Variants in SPAG17 observed in about 807,000 individuals in gnomAD.
The protein encoded by SPAG17 is sperm associated antigen 17.
A neutral mutation model predicts 273.6 loss-of-function variants in SPAG17; 169 were observed. The ratio of observed to expected loss-of-function variants is 0.62; its 90% CI spans 0.55 to 0.70. The LOEUF is 0.70. Among genes scored for constraint, SPAG17 ranks in the 30% least tolerant of loss-of-function variants. SPAG17 has a pLI of 0.00. For synonymous variants in SPAG17, 825 were observed against 873.2 expected (o/e 0.94, Z 0.97); for missense variants, 2,557 against 2,627.8 (o/e 0.97, Z 0.59).
intron 44 of SPAG17, 29 bp from the exon 45 acceptor site, chr1:117,972,076 G>T: frequency 3.2e-6 from 5 of 1,558,266 alleles, no homozygotes; most frequent in Non-Finnish European, 4.3e-6. Context: ...TTAATAAAAT[G>T]GTTCTATTTT....
At chr1:118,094,972 T>C (rs1655614685) in intron 7 of SPAG17, among the ~76,000 whole-genome samples, 1 of 152,220 alleles carries the variant, frequency 6.6e-6, no homozygotes, top group East Asian at 1.9e-4. Context: ...GAGACCTGAA[T>C]GTTTTCATTG....
intron 18 of SPAG17, among the ~76,000 whole-genome samples, chr1:118,064,061 G>A (rs1652667073): frequency 6.6e-6 from 1 of 152,134 alleles, no homozygotes; most frequent in South Asian, 2.1e-4. Context: ...AGTTAGAATG[G>A]CCATCATTAA....
chr1:118,132,048 C>T (rs1445777932), intron 3 of SPAG17, among the ~76,000 whole-genome samples: 2 of 152,234 alleles, frequency 1.3e-5, no homozygotes, highest in Admixed American at 6.5e-5. Flanking sequence ...AGATCATCTA[C>T]AAGGCACATG....
At chr1:118,158,213 G>A (rs561139741) in intron 1 of SPAG17, among the ~76,000 whole-genome samples, 1 of 152,332 alleles carries the variant, frequency 6.6e-6, no homozygotes, top group Non-Finnish European at 1.5e-5. Context: ...GAGTGTGGCA[G>A]GAGAAATCTT....
At position 117,988,110 on chromosome 1, in the gene SPAG17, T is replaced by C; in HGVS notation, c.5616A>G (p.Thr1872=). The change falls in exon 39 of 49, where the codon ACA becomes ACG. Residue 1872 remains threonine (T), a synonymous_variant. Transcript: ENST00000336338. ...DTFGKDFFEK[T]WRHTASSKRW... is the part of the protein sequence containing the mutation. ...ACATTATTGGATTAGCTTACCTCCA[T>C]GTCTTTTCAAAGAAATCTTTACCAA... 6.2e-7 allele frequency: 1 copy of C among 1,601,668 alleles called. No homozygotes were observed. The highest frequency in any genetic ancestry group is 8.5e-7 in the Non-Finnish European group (1 of 1,175,552).
chr1:118,092,725 GA>G (rs1655460864), intron 8 of SPAG17, among the ~76,000 whole-genome samples: 2 of 152,284 alleles, frequency 1.3e-5, no homozygotes, highest in South Asian at 4.1e-4. Flanking sequence ...AAGCTGAGAT[GA>G]CTGCTCTCAG....
intron 1 of SPAG17, among the ~76,000 whole-genome samples, chr1:118,166,277 G>GA (rs1660167088): frequency 6.6e-6 from 1 of 152,146 alleles, no homozygotes; most frequent in Admixed American, 6.6e-5. Flanking sequence ...GGAAAGCCAG[G>GA]AAACAGAATT....
intron 3 of SPAG17, among the ~76,000 whole-genome samples, chr1:118,139,359 G>A (rs1014752286): frequency 1.3e-5 from 2 of 152,104 alleles, no homozygotes; most frequent in Non-Finnish European, 2.9e-5. Context: ...GTACATTATT[G>A]GCAAGAATAT....
rs1011644618 is a variant in SPAG17 at position 118,008,192 on chromosome 1, C to T, written c.4439G>A (p.Gly1480Asp). ...CACCTGCCTGGTGACAGTCCGAGGA[C>T]CCTCGGCTACAAGCAAATGCAAGGT... Reference protein sequence around the residue: ...ILPDDQETTEGPRTVTRQVKC... With the variant: ...ILPDDQETTEDPRTVTRQVKC... The change falls in exon 31 of 49, where the codon GGT becomes GAT. Residue 1480 changes from glycine (G) to aspartate (D), a missense_variant. Transcript: ENST00000336338. 2 of 1,613,710 alleles carry T rather than the reference C, an allele frequency of 1.2e-6. No individual in the cohort carries two copies. Among genetic ancestry groups the T allele is most frequent in the Admixed American group, 3.3e-5 (2 of 59,924 alleles).
At chr1:118,082,354 T>C (rs149286984) in intron 13 of SPAG17, among the ~76,000 whole-genome samples, 228 of 152,262 alleles carry the variant, frequency 1.5e-3, no homozygotes, top group African/African-American at 5.2e-3. Context: ...AAACATGGAA[T>C]TCAATCAGAA....
chr1:118,108,388 G>T (rs1379800667), intron 4 of SPAG17, among the ~76,000 whole-genome samples: 1 of 151,916 alleles, frequency 6.6e-6, no homozygotes, highest in Non-Finnish European at 1.5e-5. Flanking sequence ...CTCACTTATG[G>T]GTTTATGTCT....
At chr1:118,138,940 T>C (rs1360963096) in intron 3 of SPAG17, among the ~76,000 whole-genome samples, 1 of 152,196 alleles carries the variant, frequency 6.6e-6, no homozygotes, top group Non-Finnish European at 1.5e-5. Context: ...ACTTAAACTA[T>C]CTCAAACTAT....
At chr1:118,039,469 G>T in intron 22 of SPAG17, 25 bp from the exon 23 acceptor site, 1 of 1,611,602 alleles carries the variant, frequency 6.2e-7, no homozygotes, top group Non-Finnish European at 8.5e-7. Flanking sequence ...TAGAATAGAA[G>T]ATGGGCTGAT....
chr1:118,091,718 A>G lies in SPAG17; in HGVS notation c.1247T>C (p.Val416Ala), dbSNP rs1453961930. 1 of 1,561,366 alleles carries G rather than the reference A, an allele frequency of 6.4e-7. No individual in the cohort carries two copies. ...TACTTCAGTTGTGATGACTGAAGTC[A>G]CTGTAAAATATAGAAAATACCATTG... ...QYEEPQAPPP[V>A]TSVITTEVDM... The change falls in exon 10 of 49, where the codon GTG becomes GCG. Residue 416 changes from valine (V) to alanine (A), a missense_variant and splice_region_variant. Coordinates refer to ENST00000336338, the MANE Select transcript of SPAG17 (RefSeq NM_206996.4).
intron 22 of SPAG17, among the ~76,000 whole-genome samples, chr1:118,040,246 A>G (rs1479386097): frequency 1.3e-5 from 2 of 152,142 alleles, no homozygotes; most frequent in Non-Finnish European, 2.9e-5. Flanking sequence ...TGAATTTACT[A>G]CGAATCACCT....
chr1:118,021,043 G>GA (rs1181993404), intron 28 of SPAG17, among the ~76,000 whole-genome samples: 1 of 151,984 alleles, frequency 6.6e-6, no homozygotes, highest in African/African-American at 2.4e-5. Flanking sequence ...TCAGAACTTT[G>GA]AAAATTAACC....
At chr1:118,036,110 C>T (rs192669161) in intron 24 of SPAG17, among the ~76,000 whole-genome samples, 5 of 152,216 alleles carry the variant, frequency 3.3e-5, no homozygotes, top group Non-Finnish European at 5.9e-5. Flanking sequence ...ATTGCTTGAG[C>T]TCAGGAGTTT....
In SPAG17 at chr1:117,963,872, A is replaced by G. The variant is rs760662346; in HGVS notation, c.6599T>C (p.Met2200Thr). Reference protein sequence around the residue: ...KDFPQGKENPMVQRTSTIYSS... With the variant: ...KDFPQGKENPTVQRTSTIYSS... ...ATAAATTGTAGAAGTTCTCTGGACC[A>G]TTGGATTTTCTTTTCCCTGGGGAAA... The change falls in exon 48 of 49, where the codon ATG becomes ACG. Residue 2200 changes from methionine to threonine, a missense_variant. Transcript: ENST00000336338. 1 of 1,613,994 alleles carries G rather than the reference A, an allele frequency of 6.2e-7. No homozygotes were observed. Among genetic ancestry groups the G allele is most frequent in the South Asian group, 1.1e-5 (1 of 91,074 alleles).
intron 28 of SPAG17, among the ~76,000 whole-genome samples, chr1:118,019,630 A>G (rs762439249): frequency 1.1e-4 from 16 of 152,340 alleles, no homozygotes; most frequent in South Asian, 1.0e-3. Context: ...AGGAAGCTCA[A>G]TGTATTCCCA....
Sources: allele counts gnomAD v4.1 joint callset (sites outside exome capture counted in the v4.1 genomes callset), GRCh38; gene constraint gnomAD v4.1.1; transcripts MANE v1.5; gene names NCBI Gene and HGNC (gene_info 2026-07-23, HGNC 2026-07-21).